Variants in TRPM1 observed in about 807,000 individuals in gnomAD.
The protein encoded by TRPM1 is TRPM1-203 APA Isoform, Intron 10.
TRPM1 carries 113 observed loss-of-function variants against 149.4 expected under a neutral mutation model. The observed-to-expected ratio is 0.76, with a 90% CI of 0.65 to 0.88. The LOEUF (loss-of-function observed/expected upper bound fraction) is 0.88. Among genes scored for constraint, TRPM1 ranks in the 40% least tolerant of loss-of-function variants. The probability of loss-of-function intolerance (pLI) is 0.00; values close to 1 mark genes in which losing one functional copy is unlikely to be tolerated. For synonymous variants in TRPM1, 741 were observed against 759.5 expected (o/e 0.98, Z 0.40); for missense variants, 1,976 against 2,038.7 (o/e 0.97, Z 0.59).
At position 31,002,029 on chromosome 15, in the gene TRPM1, C is replaced by G; in HGVS notation, c.4671G>C (p.Leu1557=). 2.5e-6 allele frequency: 4 copies of G among 1,614,196 alleles called. No homozygotes were observed. Among genetic ancestry groups the G allele is most frequent in the Non-Finnish European group, 3.4e-6 (4 of 1,180,040 alleles). ...ITDRNGMENL[L]SVKPDQTLGF... is the part of the protein sequence containing the mutation. ...CCAAAGTTTGATCTGGCTTCACAGA[C>G]AGTAAGTTTTCCATCCCATTTCTGT... The change falls in exon 28 of 28, where the codon CTG becomes CTC. Residue 1557 remains leucine (L), a synonymous_variant. Coordinates refer to ENST00000256552, the MANE Select transcript of TRPM1 (RefSeq NM_001252024.2).
chr15:31,132,244 T>C (rs34081950), intron 1 of TRPM1, among the ~76,000 whole-genome samples: 29,012 of 152,128 alleles, frequency 0.19, 2,935 homozygotes, highest in Admixed American at 0.23. Context: ...AGCTCCTCTT[T>C]CTTGCACCTC....
intron 16 of TRPM1, among the ~76,000 whole-genome samples, chr15:31,044,365 C>T (rs1289374806): frequency 6.6e-6 from 1 of 151,988 alleles, no homozygotes; most frequent in African/African-American, 2.4e-5. Flanking sequence ...CAAATAAAAG[C>T]AGACATTAAT....
intron 1 of TRPM1, among the ~76,000 whole-genome samples, chr15:31,088,920 G>C (rs1287815249): frequency 6.6e-6 from 1 of 152,176 alleles, no homozygotes; most frequent in Non-Finnish European, 1.5e-5. Context: ...AAGTCTGGTG[G>C]CAGAATTGCG....
chr15:31,158,240 G>T (rs1473438259), intron 1 of TRPM1, among the ~76,000 whole-genome samples: 4 of 152,110 alleles, frequency 2.6e-5, no homozygotes, highest in African/African-American at 9.7e-5. Context: ...CAGGACAGGG[G>T]TCCAGATCCA....
chr15:31,057,715 C>T (rs2034120888), intron 11 of TRPM1, among the ~76,000 whole-genome samples: 1 of 152,122 alleles, frequency 6.6e-6, no homozygotes, highest in Non-Finnish European at 1.5e-5. Context: ...TGACAAGAGC[C>T]TTGATATGGT....
chr15:31,084,065 C>T (rs945240081), intron 1 of TRPM1, among the ~76,000 whole-genome samples: 12 of 152,258 alleles, frequency 7.9e-5, no homozygotes, highest in Admixed American at 2.6e-4. Context: ...CCCTTTCCTC[C>T]GGGTTTCTAG....
In TRPM1 at chr15:31,061,511, T is replaced by G; in HGVS notation, c.1093A>C (p.Thr365Pro). ...MECMKKKELVTVFRMGSEGQQ... is the reference protein window; with the variant it reads ...MECMKKKELVPVFRMGSEGQQ... Reference sequence around the variant, plus strand: ...CCCTCAGAACCCATTCTGAACACAGTGACCTGAAAATGTGAAAAGACTGAA... The same window carrying G: ...CCCTCAGAACCCATTCTGAACACAGGGACCTGAAAATGTGAAAAGACTGAA... The change falls in exon 10 of 28, where the codon ACT becomes CCT. Residue 365 changes from threonine to proline, a missense_variant. By Grantham distance (38) the Thr-to-Pro change is conservative. Around this residue, in one of 3 missense-constraint regions of TRPM1, gnomAD observed 1,332 missense variants for 1,347.1 expected, o/e 0.99. Transcript: ENST00000256552. The G allele has an allele frequency of 6.2e-7, 1 of 1,614,042 alleles. No individual in the cohort carries two copies. The highest frequency in any genetic ancestry group is 2.2e-5 in the East Asian group (1 of 44,876).
chr15:31,014,010 T>G (rs940021440), intron 27 of TRPM1, among the ~76,000 whole-genome samples: 2 of 152,206 alleles, frequency 1.3e-5, no homozygotes, highest in African/African-American at 4.8e-5. Flanking sequence ...ACTTCCTGCT[T>G]GCACAGAGCC....
chr15:31,132,256 C>T (rs922408718), intron 1 of TRPM1, among the ~76,000 whole-genome samples: 4 of 152,212 alleles, frequency 2.6e-5, no homozygotes, highest in African/African-American at 7.2e-5. Flanking sequence ...TTGCACCTCC[C>T]GACTGAGGGG....
intron 27 of TRPM1, among the ~76,000 whole-genome samples, chr15:31,018,090 C>T (rs748903525): frequency 3.2e-4 from 48 of 152,066 alleles, no homozygotes; most frequent in African/African-American, 8.2e-4. Context: ...TTCGCTCTAT[C>T]GCCCAGGCTG....
intron 1 of TRPM1, among the ~76,000 whole-genome samples, chr15:31,137,607 T>TA (rs142283628): frequency 0.12 from 18,654 of 152,126 alleles, 1,202 homozygotes; most frequent in South Asian, 0.14. Flanking sequence ...AATTGCTTTT[T>TA]AAAAAATTCA....
upstream of TRPM1, among the ~76,000 whole-genome samples, chr15:31,102,119 C>T (rs3809579): frequency 0.62 from 93,936 of 152,148 alleles, 29,517 homozygotes; most frequent in East Asian, 0.96. Context: ...GCACATGGCA[C>T]TAATTACTGC....
At chr15:31,091,001 C>T (rs1004403545) in intron 1 of TRPM1, among the ~76,000 whole-genome samples, 27 of 152,138 alleles carry the variant, frequency 1.8e-4, no homozygotes, top group African/African-American at 6.0e-4. Flanking sequence ...TGTCTAGCAG[C>T]GATTGTATTC....
chr15:31,153,816 TCGA>T (rs1316803268), intron 1 of TRPM1, among the ~76,000 whole-genome samples: 1 of 152,208 alleles, frequency 6.6e-6, no homozygotes, highest in Non-Finnish European at 1.5e-5. Context: ...ATTGAAAACA[TCGA>T]CAAGTCTCAA....
At chr15:31,065,103 G>T (rs775410368) in intron 7 of TRPM1, 1 of 534,766 alleles carries the variant, frequency 1.9e-6, no homozygotes, top group Non-Finnish European at 3.8e-6. Flanking sequence ...CTAGGCGAAG[G>T]ATGACAAAGG....
At position 31,042,214 on chromosome 15, in the gene TRPM1, T is replaced by C; in HGVS notation, c.1824A>G (p.Lys608=). Reference sequence around the variant, plus strand: ...CTTCCTCCTTTTTCTTCTTTTTCTTTTTCTTCCCTTTAGCTGGAGGCTCAT... The same window carrying C: ...CTTCCTCCTTTTTCTTCTTTTTCTTCTTCTTCCCTTTAGCTGGAGGCTCAT... ...EDDEPPAKGK[K]KKKKKKEEEI... is the part of the protein sequence containing the mutation. The change falls in exon 17 of 28, where the codon AAA becomes AAG. Residue 608 remains lysine, a synonymous_variant. Coordinates refer to ENST00000256552, the MANE Select transcript of TRPM1 (RefSeq NM_001252024.2). 2 of 1,596,866 alleles carry C rather than the reference T, an allele frequency of 1.3e-6. No homozygotes were observed. The highest frequency in any genetic ancestry group is 2.3e-5 in the South Asian group (2 of 88,572).
chr15:31,047,504 T>G (rs912480960), intron 14 of TRPM1, among the ~76,000 whole-genome samples: 1 of 152,176 alleles, frequency 6.6e-6, no homozygotes, highest in African/African-American at 2.4e-5. Context: ...CTGCCGGTGC[T>G]TCTGGAAAGA....
Position 31,042,301 on chromosome 15 carries a change from C to T in TRPM1, c.1795-58G>A, listed in dbSNP as rs970853821. The T allele has an allele frequency of 4.7e-5, 72 of 1,533,382 alleles. No individual in the cohort carries two copies. The African/African-American group carries it at 9.5e-4, about 20-fold the overall frequency. The allele number at this position is 1,533,382 out of a possible 1,614,324, so 95.0% of individuals were successfully genotyped here. On this transcript the variant is annotated intron_variant, in intron 16 of 27. Coordinates refer to ENST00000256552, the MANE Select transcript of TRPM1 (RefSeq NM_001252024.2). ...CCATAAAAGTATGCAACAAAGAGTTCCAGAACTCCTGGAGAAAGGGAACCC... is the reference window on the plus strand; with the variant it reads ...CCATAAAAGTATGCAACAAAGAGTTTCAGAACTCCTGGAGAAAGGGAACCC...
In TRPM1 at chr15:31,002,204, A is replaced by T. The variant is rs1421554377; in HGVS notation, c.4496T>A (p.Ile1499Asn). Reference sequence around the variant, plus strand: ...AATATCTGTGCTATGAGAGCGCGTGATCTTTTGAACTTGGCATTGCCATTC... The same window carrying T: ...AATATCTGTGCTATGAGAGCGCGTGTTCTTTTGAACTTGGCATTGCCATTC... ...TTEWQCQVQK[I>N]TRSHSTDIPY... The change falls in exon 28 of 28, where the codon ATC (isoleucine) becomes AAC (asparagine). Residue 1499 changes from isoleucine (I) to asparagine (N), a missense_variant. By Grantham distance (149) the Ile-to-Asn change is moderately radical (BLOSUM62 -3). Around this residue, in one of 3 missense-constraint regions of TRPM1, gnomAD observed 572 missense variants for 578.9 expected, o/e 0.99. Coordinates refer to ENST00000256552, the MANE Select transcript of TRPM1 (RefSeq NM_001252024.2). 2 of 1,614,084 alleles carry T rather than the reference A, an allele frequency of 1.2e-6. No homozygotes were observed. Among genetic ancestry groups the T allele is most frequent in the Non-Finnish European group, 1.7e-6 (2 of 1,180,046 alleles).
Sources: allele counts gnomAD v4.1 joint callset (sites outside exome capture counted in the v4.1 genomes callset), GRCh38; gene constraint gnomAD v4.1.1; regional missense constraint gnomAD v4.1.1; transcripts MANE v1.5; gene names NCBI Gene and HGNC (gene_info 2026-07-23, HGNC 2026-07-21).